The following PTGIS variants were observed in gnomAD, a reference collection of about 807,000 sequenced individuals.
PTGIS encodes the protein prostacyclin synthase.
Under a neutral mutation model 50.3 loss-of-function variants are expected in PTGIS, and 45 were observed. The ratio of observed to expected loss-of-function variants is 0.90; its 90% CI spans 0.70 to 1.15. The LOEUF (loss-of-function observed/expected upper bound fraction) is 1.15. Among genes scored for constraint, PTGIS ranks in the 50% most tolerant of loss-of-function variants. The pLI is 0.00. For synonymous variants in PTGIS, 260 were observed against 267.7 expected (o/e 0.97, Z 0.28); for missense variants, 668 against 661.3 (o/e 1.01, Z -0.11).
chr20:49,566,073 T>C (rs917449323), intron 1 of PTGIS, among the ~76,000 whole-genome samples: 1 of 152,152 alleles, frequency 6.6e-6, no homozygotes, highest in African/African-American at 2.4e-5. Flanking sequence ...CTACTAAAAA[T>C]ACAAAAATTA....
chr20:49,511,070 T>C lies in PTGIS; in HGVS notation c.1316A>G (p.Asn439Ser), dbSNP rs766620469. The change falls in exon 9 of 10, where the codon AAT becomes AGT. Residue 439 changes from asparagine to serine, a missense_variant. Asn to Ser is a conservative substitution (Grantham distance 46). Coordinates refer to ENST00000244043, the MANE Select transcript of PTGIS (RefSeq NM_000961.4). Reference protein sequence around the residue: ...NYNMPWGAGHNHCLGRSYAVN... With the variant: ...NYNMPWGAGHSHCLGRSYAVN... Reference sequence around the variant, plus strand: ...CGCATAACTCCTCCCCAGGCAGTGATTGTGCCCCGCCCCCCAGGGCATGTT... The same window carrying C: ...CGCATAACTCCTCCCCAGGCAGTGACTGTGCCCCGCCCCCCAGGGCATGTT... 4 of 1,613,992 alleles carry C rather than the reference T, an allele frequency of 2.5e-6. No homozygotes were observed. The highest frequency in any genetic ancestry group is 3.4e-6 in the Non-Finnish European group (4 of 1,179,980).
At position 49,507,820 on chromosome 20, in the gene PTGIS, C is replaced by T. The variant is rs957200083; in HGVS notation, c.*100G>A. On this transcript the variant is annotated 3_prime_UTR_variant, in exon 10 of 10. Coordinates refer to ENST00000244043, the MANE Select transcript of PTGIS (RefSeq NM_000961.4). ...AAGCAGGGAAGTGGTAATGCTAGCA[C>T]CTGCACCCGGGCCAACTGTGCACAC... 1 of 1,521,936 alleles carries T rather than the reference C, an allele frequency of 6.6e-7. No individual in the cohort carries two copies. The highest frequency in any genetic ancestry group is 8.9e-7 in the Non-Finnish European group (1 of 1,118,696). The allele number at this position is 1,521,936 out of a possible 1,614,324, so 94.3% of individuals were successfully genotyped here.
At chr20:49,547,220 A>G in intron 3 of PTGIS, among the ~76,000 whole-genome samples, 1 of 152,318 alleles carries the variant, frequency 6.6e-6, no homozygotes, top group Admixed American at 6.5e-5. Context: ...CAACAGAGAG[A>G]GACTCTGTCT....
intron 5 of PTGIS, among the ~76,000 whole-genome samples, chr20:49,528,851 G>C (rs1365021229): frequency 6.6e-6 from 1 of 152,190 alleles, no homozygotes; most frequent in African/African-American, 2.4e-5. Flanking sequence ...TTGCACTTGT[G>C]TGAAGGAACT....
chr20:49,520,403 G>A (rs752224593), intron 6 of PTGIS, among the ~76,000 whole-genome samples: 5 of 150,806 alleles, frequency 3.3e-5, no homozygotes, highest in African/African-American at 1.2e-4. Context: ...GTGCCATCTC[G>A]GCTCACTGCA....
rs1232906377 is a variant in PTGIS, at chr20:49,505,770, G to T, written c.*2150C>A. ...AGAGTTAAGAAGGAGGCGGCAGTGG[G>T]GGTCACCCAGGCGTGAAGATGGGTT... On this transcript the variant is annotated 3_prime_UTR_variant, in exon 10 of 10. Coordinates refer to ENST00000244043, the MANE Select transcript of PTGIS (RefSeq NM_000961.4). The T allele has an allele frequency of 6.6e-6, 1 of 152,504 alleles. No homozygotes were observed. Among genetic ancestry groups the T allele is most frequent in the Non-Finnish European group, 1.5e-5 (1 of 68,044 alleles). 9.4% of individuals were successfully genotyped at this position (152,504 alleles called of 1,614,324 possible).
In PTGIS at chr20:49,544,384, G is replaced by A; in HGVS notation, c.442C>T (p.Leu148=). 6.2e-7 allele frequency: 1 copy of A among 1,614,124 alleles called. No individual in the cohort carries two copies. Among genetic ancestry groups the A allele is most frequent in the African/African-American group, 1.3e-5 (1 of 75,034 alleles). The stretch of plus-strand genomic sequence containing the variant: ...CCTGCTTCTGTAGCATCGCCCAACA[G>A]CACTGCATGGAGGTTGGTATACATG... ...EAMYTNLHAV[L]LGDATEAGSG... is the part of the protein sequence containing the mutation. Residue 148 remains leucine, a synonymous_variant, in exon 4 of 10, where the codon CTG becomes TTG. Transcript: ENST00000244043.
intron 5 of PTGIS, among the ~76,000 whole-genome samples, chr20:49,539,230 T>C (rs501908): frequency 0.13 from 19,995 of 152,146 alleles, 1,404 homozygotes; most frequent in African/African-American, 0.17. Flanking sequence ...TTATTCTATA[T>C]GGCTTGAATT....
Position 49,515,284 on chromosome 20 carries a change from T to A in PTGIS, c.856-889A>T, listed in dbSNP as rs192676920. On this transcript the variant is annotated intron_variant, in intron 6 of 9. Transcript: ENST00000244043. ...AATCATCATTGATGACTGAAAGCTA[T>A]GAATAAAAATTATTTAAACTTCCCA... 1.1e-4 allele frequency among the ~76,000 whole-genome samples: 16 copies of A among 152,342 alleles called. 1 individual carries two copies. In the East Asian group the frequency reaches 2.9e-3, roughly 28 times the overall value.
chr20:49,524,032 A>G (rs1220185391), intron 6 of PTGIS, 26 bp downstream of exon 6: 1 of 1,613,990 alleles, frequency 6.2e-7, no homozygotes, highest in East Asian at 2.2e-5. Flanking sequence ...ACACCTGCAC[A>G]CACCCACTTG....
intron 1 of PTGIS, among the ~76,000 whole-genome samples, chr20:49,559,607 TACTC>T (rs1402047810): frequency 6.6e-6 from 1 of 152,218 alleles, no homozygotes; most frequent in Non-Finnish European, 1.5e-5. Context: ...CACGAAACGT[TACTC>T]AGCCACAAAA....
chr20:49,539,807 C>G (rs1982179929), intron 4 of PTGIS, 86 bp from the exon 5 acceptor site: 3 of 1,502,250 alleles, frequency 2.0e-6, no homozygotes, highest in South Asian at 2.4e-5. Flanking sequence ...ATTCATACAC[C>G]CAGTGAGCAA....
At chr20:49,532,309 A>T (rs1568676029) in intron 5 of PTGIS, among the ~76,000 whole-genome samples, 1 of 152,188 alleles carries the variant, frequency 6.6e-6, no homozygotes, top group Non-Finnish European at 1.5e-5. Flanking sequence ...ATAACAGCAA[A>T]CAGATAGCAA....
intron 1 of PTGIS, among the ~76,000 whole-genome samples, chr20:49,557,303 G>A (rs1024094382): frequency 2.0e-5 from 3 of 152,012 alleles, no homozygotes; most frequent in Admixed American, 1.3e-4. Context: ...AATAGAAAAG[G>A]GGGGCAGGCA....
intron 6 of PTGIS, among the ~76,000 whole-genome samples, chr20:49,520,737 G>A (rs1981629993): frequency 6.6e-6 from 1 of 152,162 alleles, no homozygotes; most frequent in Non-Finnish European, 1.5e-5. Flanking sequence ...CACAATCATG[G>A]CTCATTGCAG....
chr20:49,565,238 T>C (rs1183465969), intron 1 of PTGIS, among the ~76,000 whole-genome samples: 1 of 152,106 alleles, frequency 6.6e-6, no homozygotes, highest in Non-Finnish European at 1.5e-5. Context: ...TCCCGGCCAT[T>C]GTCCTTCTTT....
chr20:49,534,221 A>G (rs1471750918), intron 5 of PTGIS, among the ~76,000 whole-genome samples: 1 of 152,246 alleles, frequency 6.6e-6, no homozygotes, highest in Non-Finnish European at 1.5e-5. Flanking sequence ...ATCTGTAGAC[A>G]TGTGCAAGCA....
At chr20:49,509,344 C>G (rs1981247228) in intron 9 of PTGIS, among the ~76,000 whole-genome samples, 1 of 152,198 alleles carries the variant, frequency 6.6e-6, no homozygotes, top group African/African-American at 2.4e-5. Context: ...GTTGTCATGA[C>G]AATTCAGTGA....
chr20:49,514,988 T>C (rs918625359), intron 6 of PTGIS, among the ~76,000 whole-genome samples: 2 of 152,218 alleles, frequency 1.3e-5, no homozygotes, highest in Non-Finnish European at 2.9e-5. Flanking sequence ...GAGAGACTCA[T>C]GGACAGAGCT....
Sources: allele counts gnomAD v4.1 joint callset (sites outside exome capture counted in the v4.1 genomes callset), GRCh38; gene constraint gnomAD v4.1.1; transcripts MANE v1.5; gene names NCBI Gene and HGNC (gene_info 2026-07-23, HGNC 2026-07-21).